NT5DC3: variants seen among roughly 807,000 people sequenced by gnomAD.
The protein encoded by NT5DC3 is 5'-nucleotidase domain containing 3.
NT5DC3 carries 42 observed loss-of-function variants against 67.8 expected under a neutral mutation model. That is an observed-to-expected ratio of 0.62 (90% CI 0.48 to 0.80). NT5DC3 has a LOEUF of 0.80. NT5DC3 is among the 30% of genes least tolerant of loss of function. The pLI is 0.00. For missense variants in NT5DC3, 570 were observed against 696.4 expected, an observed-to-expected ratio of 0.82 and a Z score of 2.04; for synonymous variants, 237 against 255.6, an observed-to-expected ratio of 0.93 and a Z score of 0.69.
chr12:103,807,905 C>G (rs1886870541), intron 2 of NT5DC3, among the ~76,000 whole-genome samples: 1 of 152,206 alleles, frequency 6.6e-6, no homozygotes, highest in African/African-American at 2.4e-5. Context: ...GCTCCCCAGA[C>G]ACATGGAACT....
chr12:103,797,724 G>C (rs1469159045), intron 5 of NT5DC3, among the ~76,000 whole-genome samples: 2 of 152,014 alleles, frequency 1.3e-5, no homozygotes, highest in Admixed American at 6.6e-5. Flanking sequence ...TCCTGAACTG[G>C]AGCACGAACC....
At chr12:103,825,772 G>A (rs17034650) in intron 1 of NT5DC3, among the ~76,000 whole-genome samples, 15,440 of 152,166 alleles carry the variant, frequency 0.1, 1,117 homozygotes, top group East Asian at 0.29. Flanking sequence ...AGACCCTATC[G>A]AAGAGAAGAG....
intron 13 of NT5DC3, among the ~76,000 whole-genome samples, chr12:103,778,390 G>A (rs1001566841): frequency 1.3e-5 from 2 of 152,104 alleles, no homozygotes; most frequent in African/African-American, 4.8e-5. Flanking sequence ...AATTGGCCAG[G>A]CGTGGTGGCG....
At position 103,804,304 on chromosome 12, in the gene NT5DC3, T is replaced by C. The variant is rs765477319; in HGVS notation, c.524+2018A>G. Among the ~76,000 whole-genome samples, 3 of 152,140 alleles carry C rather than the reference T, an allele frequency of 2.0e-5. No individual in the cohort carries two copies. In the East Asian group the frequency reaches 5.8e-4, roughly 29 times the overall value. On this transcript the variant is annotated intron_variant, in intron 4 of 13. Transcript: ENST00000392876. ...ACAAACACTGGATGCAAAGAAGGTA[T>C]CTTGACTTAACACTGATAACAGAGG...
intron 1 of NT5DC3, among the ~76,000 whole-genome samples, chr12:103,837,292 G>A (rs1056220592): frequency 6.6e-6 from 1 of 152,112 alleles, no homozygotes; most frequent in African/African-American, 2.4e-5. Flanking sequence ...TTCCCTCCTG[G>A]GCCTCCAAGC....
chr12:103,766,875 T>G (rs1305779883), downstream of NT5DC3: 1 of 155,296 alleles, frequency 6.4e-6, no homozygotes, highest in African/African-American at 2.4e-5. Flanking sequence ...GAAGACATGA[T>G]AATCATAATG....
At chr12:103,785,273 G>A in intron 12 of NT5DC3, 62 bp downstream of exon 12, 1 of 1,501,868 alleles carries the variant, frequency 6.7e-7, no homozygotes, top group Non-Finnish European at 9.3e-7. Flanking sequence ...GAAAATACCT[G>A]AAGTAACTTT....
the NT5DC3 span, among the ~76,000 whole-genome samples, chr12:103,757,534 G>T: frequency 6.6e-5 from 10 of 152,232 alleles, no homozygotes; most frequent in Admixed American, 6.5e-4. Flanking sequence ...AGCAGGGCTT[G>T]GGGGGCACCC....
rs758971672 is a variant in NT5DC3 at position 103,840,965 on chromosome 12, C to T, written c.192G>A (p.Ala64=). 5 of 1,350,662 alleles carry T rather than the reference C, an allele frequency of 3.7e-6. No individual in the cohort carries two copies. The South Asian group carries it at 7.6e-5, about 21-fold the overall frequency. The allele number at this position is 1,350,662 out of a possible 1,614,324, so 83.7% of individuals were successfully genotyped here. ...CTCACTCACCTTCTGTGCTTCTCTT[C>T]GCCTCCCGGTAGCGCTCCCACAGGT... is the stretch of plus-strand genomic sequence containing the variant. ...KRYLWERYRE[A]KRSTEELVPS... Residue 64 remains alanine (A), a synonymous_variant, in exon 1 of 14, where the codon GCG becomes GCA. Coordinates refer to ENST00000392876, the MANE Select transcript of NT5DC3 (RefSeq NM_001031701.3).
At chr12:103,836,658 GTT>G (rs1176835101) in intron 1 of NT5DC3, among the ~76,000 whole-genome samples, 1 of 150,234 alleles carries the variant, frequency 6.7e-6, no homozygotes, top group East Asian at 1.9e-4. Flanking sequence ...CAATTGGAAT[GTT>G]TTCCTTTTTC....
intron 4 of NT5DC3, among the ~76,000 whole-genome samples, chr12:103,799,190 T>G (rs944598141): frequency 3.3e-5 from 5 of 152,184 alleles, no homozygotes; most frequent in Admixed American, 1.3e-4. Context: ...ATTTAATACA[T>G]TAGGGCAGAG....
At chr12:103,801,156 G>A (rs1886557999) in intron 4 of NT5DC3, among the ~76,000 whole-genome samples, 1 of 151,992 alleles carries the variant, frequency 6.6e-6, no homozygotes, top group South Asian at 2.1e-4. Flanking sequence ...CCTGGTGTAG[G>A]GACTGGGGAC....
intron 1 of NT5DC3, among the ~76,000 whole-genome samples, chr12:103,836,263 G>C (rs965183976): frequency 1.8e-4 from 27 of 152,244 alleles, no homozygotes; most frequent in African/African-American, 6.5e-4. Flanking sequence ...ACTCATTTCA[G>C]CACTAACCAT....
At chr12:103,836,436 T>G (rs1394253723) in intron 1 of NT5DC3, among the ~76,000 whole-genome samples, 2 of 152,146 alleles carry the variant, frequency 1.3e-5, no homozygotes, top group East Asian at 3.9e-4. Context: ...ACAAAGGGGT[T>G]ACAGGCCCCA....
At chr12:103,758,032 C>T in the NT5DC3 span, 5 of 1,282,002 alleles carry the variant, frequency 3.9e-6, no homozygotes, top group Admixed American at 9.1e-5. Flanking sequence ...AGGCAGAAGA[C>T]ACAGCAAAGG....
intron 1 of NT5DC3, among the ~76,000 whole-genome samples, chr12:103,840,523 C>A (rs1291453154): frequency 6.6e-6 from 1 of 151,136 alleles, no homozygotes; most frequent in Admixed American, 6.6e-5. Context: ...CCAGCAGCCC[C>A]GCTCTTGGGC....
downstream of NT5DC3, among the ~76,000 whole-genome samples, chr12:103,767,857 C>T (rs771487108): frequency 2.1e-4 from 32 of 151,002 alleles, no homozygotes; most frequent in Non-Finnish European, 1.3e-4. Context: ...CTGAGATGGA[C>T]GGATCACGAG....
At chr12:103,751,225 G>A in the NT5DC3 span, among the ~76,000 whole-genome samples, 7 of 152,136 alleles carry the variant, frequency 4.6e-5, no homozygotes, top group Non-Finnish European at 7.3e-5. Flanking sequence ...AGACTTCCTG[G>A]AGGCTTGAAT....
intron 6 of NT5DC3, among the ~76,000 whole-genome samples, chr12:103,796,039 A>G (rs1273068557): frequency 6.6e-6 from 1 of 152,238 alleles, no homozygotes; most frequent in Non-Finnish European, 1.5e-5. Flanking sequence ...GACTTTGTAT[A>G]TGCTCACGTA....
Sources: allele counts gnomAD v4.1 joint callset (sites outside exome capture counted in the v4.1 genomes callset), GRCh38; gene constraint gnomAD v4.1.1; transcripts MANE v1.5; gene names NCBI Gene and HGNC (gene_info 2026-07-23, HGNC 2026-07-21).